Variants in DCAF17 observed in about 807,000 individuals in gnomAD.
DCAF17 encodes the protein DDB1- and CUL4-associated factor 17.
A neutral mutation model predicts 66.0 loss-of-function variants in DCAF17; 48 were observed. That is an observed-to-expected ratio of 0.73 (90% CI 0.58 to 0.92). The LOEUF is 0.92. DCAF17 is among the 40% of genes least tolerant of loss of function. The pLI is 0.00. For missense variants in DCAF17, 562 were observed against 622.8 expected (o/e 0.90, Z 1.04); for synonymous variants, 206 against 214.6 (o/e 0.96, Z 0.35).
intron 4 of DCAF17, among the ~76,000 whole-genome samples, chr2:171,449,659 A>G (rs867176926): frequency 4.6e-5 from 7 of 152,330 alleles, no homozygotes; most frequent in African/African-American, 9.6e-5. Flanking sequence ...TTATTCACCA[A>G]TGCTCTAGAA....
chr2:171,484,850 A>G lies in DCAF17; in HGVS notation c.*3736A>G. Reference sequence around the variant, plus strand: ...TATGAGTGAAATTATACAAAATGTAATGCTTCTTTCACTTAGCATAATGTT... The same window carrying G: ...TATGAGTGAAATTATACAAAATGTAGTGCTTCTTTCACTTAGCATAATGTT... On this transcript the variant is annotated 3_prime_UTR_variant, in exon 14 of 14. Transcript: ENST00000375255. 1 of 454,030 alleles carries G rather than the reference A, an allele frequency of 2.2e-6. No individual in the cohort carries two copies. The highest frequency in any genetic ancestry group is 4.4e-6 in the Non-Finnish European group (1 of 226,766). 28.1% of individuals were successfully genotyped at this position (454,030 alleles called of 1,614,324 possible).
Position 171,484,273 on chromosome 2 carries a change from A to G in DCAF17, c.*3159A>G, listed in dbSNP as rs565191054. The G allele has an allele frequency of 6.7e-5, 30 of 446,580 alleles. 1 individual carries two copies. The highest frequency in any genetic ancestry group is 4.8e-4 in the African/African-American group (24 of 49,626). The allele number at this position is 446,580 out of a possible 1,614,324, so 27.7% of individuals were successfully genotyped here. ...GCTAATTTCTGGTCCCTGTGTTGCT[A>G]TCAAATCTGTATCTTGCAGAAAGAA... is the stretch of plus-strand genomic sequence containing the variant. On this transcript the variant is annotated 3_prime_UTR_variant, in exon 14 of 14. Transcript: ENST00000375255.
intron 3 of DCAF17, among the ~76,000 whole-genome samples, chr2:171,445,532 A>C (rs1002349752): frequency 6.6e-5 from 10 of 152,328 alleles, no homozygotes; most frequent in African/African-American, 2.4e-4. Context: ...CACTGATATG[A>C]AACTACTTTT....
At chr2:171,443,322 T>A (rs1694421288) in intron 2 of DCAF17, 1 of 474,914 alleles carries the variant, frequency 2.1e-6, no homozygotes, top group African/African-American at 2.0e-5. Flanking sequence ...GGCAGTTTTA[T>A]GGTATTGTAA....
intron 6 of DCAF17, among the ~76,000 whole-genome samples, chr2:171,454,770 A>C (rs947904686): frequency 3.3e-5 from 5 of 151,402 alleles, no homozygotes; most frequent in Non-Finnish European, 7.4e-5. Flanking sequence ...GGTAGTGCAC[A>C]CCTGTAGTCC....
Position 171,435,131 on chromosome 2 carries a change from A to G in DCAF17, c.175A>G (p.Ile59Val). Residue 59 changes from isoleucine to valine, a missense_variant, in exon 2 of 14, where the codon ATA becomes GTA. Transcript: ENST00000375255. ...NVWTTHSRSP[I>V]AYERGRIYFD... ...CTGGACAACTCATTCCAGGTCACCT[A>G]TAGCCTATGAGAGAGGAAGAATATA... 4 of 1,613,704 alleles carry G rather than the reference A, an allele frequency of 2.5e-6. No individual in the cohort carries two copies. Among genetic ancestry groups the G allele is most frequent in the Non-Finnish European group, 3.4e-6 (4 of 1,179,628 alleles).
chr2:171,472,722 A>G (rs1234914625), intron 9 of DCAF17: 1 of 163,014 alleles, frequency 6.1e-6, no homozygotes, highest in Non-Finnish European at 1.4e-5. Context: ...GACAAGGATT[A>G]TGTTTAATTG....
At chr2:171,441,093 C>G (rs1694282752) in intron 2 of DCAF17, among the ~76,000 whole-genome samples, 1 of 152,210 alleles carries the variant, frequency 6.6e-6, no homozygotes, top group African/African-American at 2.4e-5. Context: ...TCCGCTGAGT[C>G]TACCAGTCTC....
Position 171,481,002 on chromosome 2 carries a change from G to C in DCAF17, c.1451G>C (p.Arg484Thr). 6.2e-7 allele frequency: 1 copy of C among 1,613,790 alleles called. No individual in the cohort carries two copies. The highest frequency in any genetic ancestry group is 8.5e-7 in the Non-Finnish European group (1 of 1,179,714). ...TATAGCCATGAAGTCTACTTTGACA[G>C]AGACTTGGTGCTACACATAGAGCAG... is the stretch of plus-strand genomic sequence containing the variant. ...VTYSHEVYFD[R>T]DLVLHIEQKP... The change falls in exon 14 of 14, where the codon AGA (arginine) becomes ACA (threonine). Residue 484 changes from arginine (R) to threonine (T), a missense_variant. Physicochemically the swap from Arg to Thr is moderately conservative, Grantham distance 71. Transcript: ENST00000375255.
At chr2:171,464,072 C>T (rs1209345321) in intron 8 of DCAF17, among the ~76,000 whole-genome samples, 1 of 152,162 alleles carries the variant, frequency 6.6e-6, no homozygotes, top group Non-Finnish European at 1.5e-5. Flanking sequence ...ATTTGGCCAA[C>T]AGAAACTCCA....
Position 171,443,532 on chromosome 2 carries a change from T to G in DCAF17, c.240T>G (p.Ser80=), listed in dbSNP as rs148401399. 1.2e-6 allele frequency: 2 copies of G among 1,612,458 alleles called. No individual in the cohort carries two copies. The highest frequency in any genetic ancestry group is 3.3e-5 in the Admixed American group (2 of 59,998). ...TTTTCTTTTTTCCCAGTGTTGCATC[T>G]GAGCCAAGAAAACTTTATGAAATGC... ...NYRRCVSSVA[S]EPRKLYEMPK... The change falls in exon 3 of 14, where the codon TCT becomes TCG. Residue 80 remains serine, a synonymous_variant. Transcript: ENST00000375255.
chr2:171,473,415 G>A (rs1396092972), intron 9 of DCAF17, among the ~76,000 whole-genome samples: 1 of 151,882 alleles, frequency 6.6e-6, no homozygotes, highest in Non-Finnish European at 1.5e-5. Flanking sequence ...TACCAGCCTG[G>A]GCAACATAGC....
Position 171,480,087 on chromosome 2 carries a change from T to C in DCAF17, c.1316T>C (p.Val439Ala). 1 of 1,613,862 alleles carries C rather than the reference T, an allele frequency of 6.2e-7. No homozygotes were observed. Among genetic ancestry groups the C allele is most frequent in the Non-Finnish European group, 8.5e-7 (1 of 1,179,782 alleles). Residue 439 changes from valine (V) to alanine (A), a missense_variant, in exon 13 of 14, where the codon GTA (valine) becomes GCA (alanine). Physicochemically the swap from Val to Ala is moderately conservative, Grantham distance 64 (BLOSUM62 0). This residue lies in a region of DCAF17 where 201 missense variants were observed against 231.1 expected (regional missense o/e 0.87). Transcript: ENST00000375255. ...YEDELDLLSV[V>A]AVTQIDAEGK... is the part of the protein sequence containing the mutation. ...GATGAGTTAGATTTGCTTTCTGTGG[T>C]AGCTGTTACTCAAATAGATGCTGAA...
intron 3 of DCAF17, chr2:171,447,424 G>A (rs57764747): frequency 1.2e-4 from 36 of 305,198 alleles, no homozygotes; most frequent in African/African-American, 8.1e-4. Flanking sequence ...GCAGTGGCAC[G>A]ATCTCAGCTC....
intron 12 of DCAF17, chr2:171,479,795 C>T (rs962533889): frequency 2.1e-5 from 9 of 437,312 alleles, no homozygotes; most frequent in Non-Finnish European, 3.8e-5. Flanking sequence ...ACTTTGAGAT[C>T]TACATAGACT....
At chr2:171,467,323 G>A (rs1695961919) in intron 8 of DCAF17, among the ~76,000 whole-genome samples, 1 of 152,106 alleles carries the variant, frequency 6.6e-6, no homozygotes, top group Middle Eastern at 3.4e-3. Context: ...ACTAGTTTAT[G>A]TGTTAATTGA....
intron 9 of DCAF17, 65 bp downstream of exon 9, chr2:171,469,095 A>C: frequency 1.9e-6 from 3 of 1,552,326 alleles, no homozygotes; most frequent in Non-Finnish European, 2.7e-6. Flanking sequence ...CTACCTCTCA[A>C]ATAGGCCCAC....
rs1373468582 is a variant in DCAF17, at chr2:171,482,219, A to T, written c.*1105A>T. 5 of 453,642 alleles carry T rather than the reference A, an allele frequency of 1.1e-5. No homozygotes were observed. The highest frequency in any genetic ancestry group is 6.2e-5 in the South Asian group (4 of 64,282). 28.1% of individuals were successfully genotyped at this position (453,642 alleles called of 1,614,324 possible). A position where few individuals can be genotyped will look rare whatever the true frequency, so the allele number is the denominator to read the frequency against. The stretch of plus-strand genomic sequence containing the variant: ...AGAAATTCAGTTGCTTCCATTTCGC[A>T]TGTTCTGCACATTTATCCGATGTAA... On this transcript the variant is annotated 3_prime_UTR_variant, in exon 14 of 14. Transcript: ENST00000375255.
intron 8 of DCAF17, among the ~76,000 whole-genome samples, chr2:171,463,587 T>A (rs1695726333): frequency 6.6e-6 from 1 of 152,230 alleles, no homozygotes; most frequent in African/African-American, 2.4e-5. Flanking sequence ...CTCCTTGAGA[T>A]GTTCAGAACT....
Sources: gnomAD v4.1 joint callset for allele counts (sites outside exome capture counted in the v4.1 genomes callset) on GRCh38, gnomAD v4.1.1 for gene constraint, gnomAD v4.1.1 regional missense constraint, MANE v1.5 for transcripts, NCBI Gene and HGNC (gene_info 2026-07-23, HGNC 2026-07-21) for gene names.